The following MALRD1 variants were observed in gnomAD, a reference collection of about 807,000 sequenced individuals.
MALRD1 encodes the protein MAM and LDL-receptor class A domain-containing protein 1.
MALRD1 carries 247 observed loss-of-function variants against 242.1 expected under a neutral mutation model. The observed-to-expected ratio is 1.02, with a 90% confidence interval of 0.92 to 1.13. The LOEUF is 1.13. Ranked by LOEUF, MALRD1 falls within the 50% of genes most tolerant of loss-of-function variation. MALRD1 has a pLI of 0.00. For synonymous variants in MALRD1, 995 were observed against 866.6 expected, an observed-to-expected ratio of 1.15 and a Z score of -2.60; for missense variants, 2,989 against 2,533.1, an observed-to-expected ratio of 1.18 and a Z score of -3.86.
intron 18 of MALRD1, among the ~76,000 whole-genome samples, chr10:19,253,962 A>G (rs189451460): frequency 3.9e-4 from 59 of 152,046 alleles, no homozygotes; most frequent in Non-Finnish European, 6.6e-4. Flanking sequence ...ATGGTTTTAT[A>G]AGGGGTTTCA....
chr10:19,170,910 CTTA>C (rs1267166624), intron 13 of MALRD1, among the ~76,000 whole-genome samples: 6 of 152,094 alleles, frequency 3.9e-5, no homozygotes, highest in Non-Finnish European at 8.8e-5. Context: ...GGCTGCTGCT[CTTA>C]TTATTGATAC....
intron 21 of MALRD1, among the ~76,000 whole-genome samples, chr10:19,304,918 T>C (rs1372078559): frequency 6.6e-6 from 1 of 151,736 alleles, no homozygotes; most frequent in East Asian, 1.9e-4. Context: ...AAAGCTTGAA[T>C]TGGAGTTAAT....
At chr10:19,270,176 C>T (rs1049663145) in intron 19 of MALRD1, among the ~76,000 whole-genome samples, 2 of 152,022 alleles carry the variant, frequency 1.3e-5, no homozygotes, top group Non-Finnish European at 2.9e-5. Flanking sequence ...CTTAGATGGG[C>T]ATGGTGGTAG....
At chr10:19,304,635 A>G (rs1477254173) in intron 21 of MALRD1, among the ~76,000 whole-genome samples, 1 of 151,728 alleles carries the variant, frequency 6.6e-6, no homozygotes, top group African/African-American at 2.4e-5. Context: ...AATCTTATCA[A>G]TTGGATTTAA....
rs1833993508 is a variant in MALRD1, at chr10:19,709,051, C to G, written c.6314+16497C>G. On this transcript the variant is annotated intron_variant, in intron 38 of 39. Coordinates refer to ENST00000454679, the MANE Select transcript of MALRD1 (RefSeq NM_001142308.3). The stretch of plus-strand genomic sequence containing the variant: ...TTCATTTTTTGAAATTGTCTTTTTA[C>G]TTTGCTCTTTCCTAAGCAAAAATAT... Among the ~76,000 whole-genome samples, 7 of 112,716 alleles carry G rather than the reference C, an allele frequency of 6.2e-5. 3 individuals are homozygous for G. The South Asian group carries it at 2.5e-3, about 40-fold the overall frequency. The allele number at this position is 112,716 out of a possible 152,430, so 73.9% of individuals were successfully genotyped here. A position where few individuals can be genotyped will look rare whatever the true frequency, so the allele number is the denominator to read the frequency against.
intron 28 of MALRD1, among the ~76,000 whole-genome samples, chr10:19,395,630 A>G (rs1361100593): frequency 1.3e-5 from 2 of 152,090 alleles, no homozygotes; most frequent in Admixed American, 6.6e-5. Flanking sequence ...GGGCCCCAAG[A>G]TTTATTTTCT....
At chr10:19,687,459 G>T (rs1254889219) in intron 36 of MALRD1, among the ~76,000 whole-genome samples, 2 of 152,104 alleles carry the variant, frequency 1.3e-5, no homozygotes, top group African/African-American at 4.8e-5. Flanking sequence ...CCACAGCTGT[G>T]CCTAAAATAT....
chr10:19,524,850 C>T (rs558160918), intron 31 of MALRD1, among the ~76,000 whole-genome samples: 1 of 151,950 alleles, frequency 6.6e-6, no homozygotes, highest in Non-Finnish European at 1.5e-5. Context: ...TCTTAGGGCA[C>T]TGAAGCTGTC....
At chr10:19,332,626 T>A (rs967330918) in intron 24 of MALRD1, among the ~76,000 whole-genome samples, 2 of 152,188 alleles carry the variant, frequency 1.3e-5, no homozygotes, top group Non-Finnish European at 2.9e-5. Context: ...TTTGATATTA[T>A]TTGCTTCTTG....
At position 19,688,758 on chromosome 10, in the gene MALRD1, C is replaced by T. The variant is rs564591420; in HGVS notation, c.6138-3524C>T. Among the ~76,000 whole-genome samples, 135 of 152,338 alleles carry T rather than the reference C, an allele frequency of 8.9e-4. 1 individual carries two copies. Among genetic ancestry groups the T allele is most frequent in the Non-Finnish European group, 8.1e-4 (55 of 68,034 alleles). ...ACACACCGTTCTAGCATGTGATTAA[C>T]GCTGTTCTCAGCGTGCCATTAGAAG... On this transcript the variant is annotated intron_variant, in intron 36 of 39. Transcript: ENST00000454679.
At chr10:19,539,614 A>G (rs55699369) in intron 32 of MALRD1, among the ~76,000 whole-genome samples, 6,727 of 152,122 alleles carry the variant, frequency 0.044, 485 homozygotes, top group African/African-American at 0.15. Context: ...GGGGGATGCT[A>G]TAAGTATTTG....
chr10:19,254,861 G>T (rs1166820878), intron 18 of MALRD1, among the ~76,000 whole-genome samples: 1 of 151,966 alleles, frequency 6.6e-6, no homozygotes, highest in Non-Finnish European at 1.5e-5. Flanking sequence ...TAAAGTGAAA[G>T]TAAGCAGCAG....
intron 30 of MALRD1, 78 bp from the exon 31 acceptor site, chr10:19,498,407 T>G: frequency 7.7e-7 from 1 of 1,294,126 alleles, no homozygotes; most frequent in Non-Finnish European, 1.1e-6. Flanking sequence ...ATACTAATTT[T>G]AAATGATCCC....
chr10:19,350,823 A>G (rs1426584797), intron 25 of MALRD1, among the ~76,000 whole-genome samples: 2 of 152,204 alleles, frequency 1.3e-5, no homozygotes, highest in African/African-American at 4.8e-5. Context: ...GGGTCCTTGC[A>G]GAAGTGTGCC....
chr10:19,614,783 G>A (rs1839063945), intron 35 of MALRD1, among the ~76,000 whole-genome samples: 1 of 152,000 alleles, frequency 6.6e-6, no homozygotes, highest in Non-Finnish European at 1.5e-5. Flanking sequence ...GAGGACCAGG[G>A]ACGAACTTGA....
At position 19,124,138 on chromosome 10, in the gene MALRD1, G is replaced by T. The variant is rs1837167067; in HGVS notation, c.797-386G>T. 2.0e-5 allele frequency among the ~76,000 whole-genome samples: 3 copies of T among 151,936 alleles called. No homozygotes were observed. The South Asian group carries it at 6.2e-4, about 31-fold the overall frequency. ...AGGCTGAGGCTGGAAGATTGCTTGA[G>T]CCCAGGAGTTTAAGGCTACAGTGGG... On this transcript the variant is annotated intron_variant, in intron 6 of 39. Transcript: ENST00000454679.
Position 19,708,954 on chromosome 10 carries a change from C to T in MALRD1, c.6314+16400C>T, listed in dbSNP as rs1169521898. ...CTGGGATTACAGGCATGAGCCACCA[C>T]ATCTGGCGGGCCACATTTATTTTGA... On this transcript the variant is annotated intron_variant, in intron 38 of 39. Transcript: ENST00000454679. Among the ~76,000 whole-genome samples, 3 of 122,522 alleles carry T rather than the reference C, an allele frequency of 2.4e-5. 1 individual carries two copies. Among genetic ancestry groups the T allele is most frequent in the African/African-American group, 7.8e-5 (3 of 38,520 alleles). The allele number at this position is 122,522 out of a possible 152,430, so 80.4% of individuals were successfully genotyped here. A position where few individuals can be genotyped will look rare whatever the true frequency, so the allele number is the denominator to read the frequency against.
chr10:19,584,233 G>C (rs1837278940), intron 33 of MALRD1, among the ~76,000 whole-genome samples: 1 of 152,050 alleles, frequency 6.6e-6, no homozygotes, highest in South Asian at 2.1e-4. Context: ...CTTCAGTTCT[G>C]CTCTGATTTT....
intron 26 of MALRD1, among the ~76,000 whole-genome samples, chr10:19,368,581 G>A (rs2130734836): frequency 6.6e-6 from 1 of 152,042 alleles, no homozygotes; most frequent in East Asian, 1.9e-4. Flanking sequence ...TTTTGATTGA[G>A]GATTGCTTTG....
Sources: gnomAD v4.1 joint callset for allele counts (sites outside exome capture counted in the v4.1 genomes callset) on GRCh38, gnomAD v4.1.1 for gene constraint, MANE v1.5 for transcripts, NCBI Gene and HGNC (gene_info 2026-07-23, HGNC 2026-07-21) for gene names.